CSMD1: variants seen among roughly 807,000 people sequenced by gnomAD.
CSMD1 encodes the protein CUB and Sushi multiple domains 1.
Under a neutral mutation model 417.5 loss-of-function variants are expected in CSMD1, and 213 were observed. That is an observed-to-expected ratio of 0.51 (90% CI 0.46 to 0.57). The LOEUF is 0.57. CSMD1 is among the 20% of genes least tolerant of loss of function. The probability of loss-of-function intolerance (pLI) is 0.00; values close to 1 mark genes in which losing one functional copy is unlikely to be tolerated. For synonymous variants in CSMD1, 2,862 were observed against 1,736.8 expected, an observed-to-expected ratio of 1.65 and a Z score of -16.11; for missense variants, 6,923 against 4,529.7, an observed-to-expected ratio of 1.53 and a Z score of -15.17.
intron 3 of CSMD1, among the ~76,000 whole-genome samples, chr8:4,153,067 G>A (rs559959869): frequency 6.6e-6 from 1 of 152,118 alleles, no homozygotes; most frequent in Admixed American, 6.5e-5. Context: ...AGTTTTTGAA[G>A]GGGGTATGAT....
At chr8:3,887,948 T>C (rs1446485140) in intron 5 of CSMD1, among the ~76,000 whole-genome samples, 1 of 152,122 alleles carries the variant, frequency 6.6e-6, no homozygotes, top group East Asian at 1.9e-4. Flanking sequence ...TCAATAGCAA[T>C]ACTTAAGAAA....
At chr8:3,566,478 C>G (rs993361788) in intron 10 of CSMD1, among the ~76,000 whole-genome samples, 1 of 152,086 alleles carries the variant, frequency 6.6e-6, no homozygotes, top group Admixed American at 6.5e-5. Flanking sequence ...CCTCCACCAG[C>G]CCCTCCTGGT....
chr8:4,466,832 G>A (rs1026817190), intron 2 of CSMD1, among the ~76,000 whole-genome samples: 1 of 152,012 alleles, frequency 6.6e-6, no homozygotes, highest in Non-Finnish European at 1.5e-5. Flanking sequence ...TAAATTCAGA[G>A]AGCAGGGGAA....
intron 10 of CSMD1, among the ~76,000 whole-genome samples, chr8:3,511,619 A>C (rs9771814): frequency 6.6e-6 from 1 of 151,454 alleles, no homozygotes; most frequent in Admixed American, 6.6e-5. Context: ...TTAGCTGGGC[A>C]TGGTAGCAGA....
intron 3 of CSMD1, among the ~76,000 whole-genome samples, chr8:4,174,656 G>T (rs77888529): frequency 0.02 from 2,826 of 140,230 alleles, 113 homozygotes; most frequent in African/African-American, 0.072. Flanking sequence ...GGAATTATAG[G>T]AAACAGACCC....
intron 12 of CSMD1, among the ~76,000 whole-genome samples, chr8:3,446,260 G>A (rs540010376): frequency 3.9e-5 from 6 of 152,276 alleles, no homozygotes; most frequent in South Asian, 2.1e-4. Context: ...CTCAGAAATC[G>A]GAAACGTGTG....
chr8:4,003,778 A>G (rs1228987710), intron 4 of CSMD1, among the ~76,000 whole-genome samples: 1 of 152,200 alleles, frequency 6.6e-6, no homozygotes, highest in Non-Finnish European at 1.5e-5. Flanking sequence ...AAATTACTCA[A>G]CTTAGGGTCT....
rs1261990612 is a variant in CSMD1 at position 2,936,369 on chromosome 8, C to CT, written c.*2215_*2216insA. On this transcript the variant is annotated 3_prime_UTR_variant, in exon 70 of 70. Coordinates refer to ENST00000635120, the MANE Select transcript of CSMD1 (RefSeq NM_033225.6). ...TGAATGACTCAAACTTAGATATGTA[C>CT]AATATATATATATATATATGTATGT... 2.9e-3 allele frequency: 311 copies of CT among 108,138 alleles called. 3 individuals are homozygous for CT. The highest frequency in any genetic ancestry group is 3.4e-3 in the African/African-American group (105 of 30,534). The allele number at this position is 108,138 out of a possible 1,614,324, so 6.7% of individuals were successfully genotyped here.
intron 2 of CSMD1, among the ~76,000 whole-genome samples, chr8:4,605,276 A>AAG (rs1800806759): frequency 6.6e-6 from 1 of 151,776 alleles, no homozygotes; most frequent in African/African-American, 2.4e-5. Context: ...TTTAAGAAAA[A>AAG]AAGAAGAAGA....
chr8:4,722,032 T>A (rs539903474), intron 1 of CSMD1, among the ~76,000 whole-genome samples: 1 of 152,222 alleles, frequency 6.6e-6, no homozygotes, highest in South Asian at 2.1e-4. Flanking sequence ...AATGAGGAGA[T>A]GTCAGTCCAA....
intron 21 of CSMD1, among the ~76,000 whole-genome samples, chr8:3,349,567 G>C (rs1403149136): frequency 3.3e-5 from 5 of 151,688 alleles, no homozygotes; most frequent in African/African-American, 4.8e-5. Flanking sequence ...GGAAGTGCAG[G>C]CAATTGGTGA....
At chr8:4,868,972 A>G (rs1802577688) in intron 1 of CSMD1, among the ~76,000 whole-genome samples, 1 of 152,032 alleles carries the variant, frequency 6.6e-6, no homozygotes. Flanking sequence ...ACAGAGACAT[A>G]CAAATAGAAT....
At chr8:3,570,227 T>A (rs751153383) in intron 10 of CSMD1, among the ~76,000 whole-genome samples, 5 of 152,252 alleles carry the variant, frequency 3.3e-5, no homozygotes, top group Admixed American at 6.5e-5. Context: ...TGGAATCACA[T>A]CATATGCAAA....
At chr8:4,579,498 G>T (rs2130690809) in intron 2 of CSMD1, among the ~76,000 whole-genome samples, 1 of 151,920 alleles carries the variant, frequency 6.6e-6, no homozygotes, top group Middle Eastern at 3.4e-3. Flanking sequence ...AAGTAGCTGG[G>T]ATTACAGGCA....
At chr8:3,596,906 T>C (rs553493406) in intron 8 of CSMD1, among the ~76,000 whole-genome samples, 2 of 152,262 alleles carry the variant, frequency 1.3e-5, no homozygotes, top group African/African-American at 4.8e-5. Flanking sequence ...ATGCAAGCGC[T>C]CAGCAAACAT....
At chr8:4,632,744 A>G (rs924478393) in intron 2 of CSMD1, among the ~76,000 whole-genome samples, 2 of 152,202 alleles carry the variant, frequency 1.3e-5, no homozygotes, top group Non-Finnish European at 2.9e-5. Context: ...CATGCACACA[A>G]AGAAAATGTA....
At chr8:3,919,157 G>T (rs1378284101) in intron 5 of CSMD1, among the ~76,000 whole-genome samples, 1 of 124,222 alleles carries the variant, frequency 8.1e-6, no homozygotes, top group South Asian at 2.6e-4. Context: ...CTTTTGATTT[G>T]GTTGCCTGTA....
At chr8:4,322,664 A>G (rs1185377030) in intron 3 of CSMD1, among the ~76,000 whole-genome samples, 1 of 152,212 alleles carries the variant, frequency 6.6e-6, no homozygotes, top group Non-Finnish European at 1.5e-5. Context: ...CTGTCTACAG[A>G]ATATTGCTTA....
intron 2 of CSMD1, among the ~76,000 whole-genome samples, chr8:4,510,147 T>A (rs1563243799): frequency 6.6e-6 from 1 of 152,052 alleles, no homozygotes; most frequent in Non-Finnish European, 1.5e-5. Flanking sequence ...ACGCTCCCTT[T>A]GCCTGCTGCC....
Sources: allele counts gnomAD v4.1 joint callset (sites outside exome capture counted in the v4.1 genomes callset), GRCh38; gene constraint gnomAD v4.1.1; transcripts MANE v1.5; gene names NCBI Gene and HGNC (gene_info 2026-07-23, HGNC 2026-07-21).